Variants in EXOSC4 observed in about 807,000 individuals in gnomAD.
EXOSC4 encodes the protein exosome complex component RRP41.
In EXOSC4, 14 loss-of-function variants were observed where a neutral mutation model predicts 20.0. The observed-to-expected ratio is 0.70, with a 90% CI of 0.46 to 1.09. EXOSC4 has a LOEUF of 1.09. EXOSC4 is among the 50% of genes least tolerant of loss of function. The probability of loss-of-function intolerance (pLI) is 0.00; values close to 1 mark genes in which losing one functional copy is unlikely to be tolerated. For missense variants in EXOSC4, 337 were observed against 334.0 expected (o/e 1.01, Z -0.07); for synonymous variants, 148 against 146.4 (o/e 1.01, Z -0.08).
chr8:144,080,227 C>T lies in EXOSC4; in HGVS notation c.379-15C>T. 4 of 1,611,478 alleles carry T rather than the reference C, an allele frequency of 2.5e-6. No homozygotes were observed. In the African/African-American group the frequency reaches 5.3e-5, roughly 21 times the overall value. On this transcript the variant is annotated splice_polypyrimidine_tract_variant and intron_variant, in intron 2 of 2. Coordinates refer to ENST00000316052, the MANE Select transcript of EXOSC4 (RefSeq NM_019037.3). The surrounding 1 kb of genome is among the most constrained non-coding windows in gnomAD (Gnocchi z 4.9). ...GGAGGGAGTCTGATAGACTGACACCCTGGGTTCCCTGCAGGTGCTACAGGC... is the reference window on the plus strand; with the variant it reads ...GGAGGGAGTCTGATAGACTGACACCTTGGGTTCCCTGCAGGTGCTACAGGC...
At chr8:144,064,373 G>T in the EXOSC4 span, among the ~76,000 whole-genome samples, 1 of 152,366 alleles carries the variant, frequency 6.6e-6, no homozygotes, top group African/African-American at 2.4e-5. Flanking sequence ...CGGCAGTCAC[G>T]GTTGGCACAG....
intron 1 of EXOSC4, chr8:144,079,183 C>T (rs1835870197): frequency 2.9e-6 from 1 of 341,668 alleles, no homozygotes; most frequent in Non-Finnish European, 5.3e-6. Context: ...AGCTCTACTC[C>T]GACGTCACTC....
Position 144,080,009 on chromosome 8 carries a change from A to G in EXOSC4, c.238A>G (p.Thr80Ala). ...ALVNCQYSSA[T>A]FSTGERKRRP... is the part of the protein sequence containing the mutation. ...AGTGAACTGTCAATATAGTTCAGCG[A>G]CCTTCAGCACAGGTGAGCGCAAGCG... The change falls in exon 2 of 3, where the codon ACC (threonine) becomes GCC (alanine). Residue 80 changes from threonine (T) to alanine (A), a missense_variant. By Grantham distance (58) the Thr-to-Ala change is moderately conservative. Transcript: ENST00000316052. The surrounding 1 kb of genome is among the most constrained non-coding windows in gnomAD (Gnocchi z 4.9). 1 of 1,614,064 alleles carries G rather than the reference A, an allele frequency of 6.2e-7. No homozygotes were observed. The highest frequency in any genetic ancestry group is 8.5e-7 in the Non-Finnish European group (1 of 1,180,028).
chr8:144,078,149 G>GTT (rs1835854619), upstream of EXOSC4: 1 of 152,294 alleles, frequency 6.6e-6, no homozygotes, highest in Admixed American at 6.5e-5. The surrounding 1 kb of genome is among the most constrained non-coding windows in gnomAD (Gnocchi z 4.7). Flanking sequence ...GAAGCTCGGT[G>GTT]TAAAGGGAGG....
chr8:144,079,179 A>C (rs1835870173), intron 1 of EXOSC4: 3 of 347,076 alleles, frequency 8.6e-6, no homozygotes, highest in Non-Finnish European at 1.0e-5. Flanking sequence ...TTTCAGCTCT[A>C]CTCCGACGTC....
the EXOSC4 span, among the ~76,000 whole-genome samples, chr8:144,064,878 G>A: frequency 7.9e-6 from 1 of 127,066 alleles, no homozygotes; most frequent in African/African-American, 3.0e-5. Flanking sequence ...GTCTTGCTCT[G>A]TCGCCCAGGC....
chr8:144,072,427 C>A, the EXOSC4 span, among the ~76,000 whole-genome samples: 1 of 152,100 alleles, frequency 6.6e-6, no homozygotes, highest in African/African-American at 2.4e-5. Context: ...ATGATCTGCC[C>A]GTCTCAGCCT....
In EXOSC4 at chr8:144,079,945, C is replaced by G. The variant is rs782321329; in HGVS notation, c.174C>G (p.Ile58Met). The G allele has an allele frequency of 6.2e-7, 1 of 1,613,948 alleles. No individual in the cohort carries two copies. ...CTCATGTGTCTGTCCTCTTCCAGAT[C>G]CGGGGCTCCCGGGCTCGAGCCCTGC... ...ALAVVYGPHEIRGSRARALPD... is the reference protein window; with the variant it reads ...ALAVVYGPHEMRGSRARALPD... The change falls in exon 2 of 3, where the codon ATC becomes ATG. Residue 58 changes from isoleucine (I) to methionine (M), a missense_variant and splice_region_variant. Physicochemically the swap from Ile to Met is conservative, Grantham distance 10. Coordinates refer to ENST00000316052, the MANE Select transcript of EXOSC4 (RefSeq NM_019037.3).
the EXOSC4 span, among the ~76,000 whole-genome samples, chr8:144,069,105 C>G: frequency 6.6e-6 from 1 of 152,232 alleles, no homozygotes; most frequent in Non-Finnish European, 1.5e-5. Flanking sequence ...AATGAAATGG[C>G]AGGCCAGCCT....
At chr8:144,068,603 T>G in the EXOSC4 span, among the ~76,000 whole-genome samples, 1 of 152,136 alleles carries the variant, frequency 6.6e-6, no homozygotes, top group Non-Finnish European at 1.5e-5. Context: ...CCCTCTCACT[T>G]TGGAAATTGA....
the EXOSC4 span, among the ~76,000 whole-genome samples, chr8:144,067,168 A>C: frequency 1.3e-5 from 2 of 152,248 alleles, no homozygotes; most frequent in African/African-American, 2.4e-5. Flanking sequence ...CAGAGGGTAA[A>C]GCGTGATAGG....
At chr8:144,065,483 C>G in the EXOSC4 span, among the ~76,000 whole-genome samples, 1 of 152,022 alleles carries the variant, frequency 6.6e-6, no homozygotes, top group Non-Finnish European at 1.5e-5. Flanking sequence ...AATCCCAGCA[C>G]TTTGGGAGGT....
chr8:144,066,480 C>T, the EXOSC4 span, among the ~76,000 whole-genome samples: 3 of 129,868 alleles, frequency 2.3e-5, no homozygotes, highest in Non-Finnish European at 4.7e-5. Flanking sequence ...CTCACTCTGT[C>T]ACCCAGGCTG....
Position 144,078,892 on chromosome 8 carries a change from C to T in EXOSC4, c.164C>T (p.Pro55Leu). The T allele has an allele frequency of 1.4e-6, 2 of 1,479,682 alleles. No individual in the cohort carries two copies. Among genetic ancestry groups the T allele is most frequent in the Non-Finnish European group, 1.8e-6 (2 of 1,111,434 alleles). 91.7% of individuals were successfully genotyped at this position (1,479,682 alleles called of 1,614,324 possible). A position where few individuals can be genotyped will look rare whatever the true frequency, so the allele number is the denominator to read the frequency against. Residue 55 changes from proline (P) to leucine (L), a missense_variant, in exon 1 of 3, where the codon CCG (proline) becomes CTG (leucine). By Grantham distance (98) the Pro-to-Leu change is moderately conservative. Coordinates refer to ENST00000316052, the MANE Select transcript of EXOSC4 (RefSeq NM_019037.3). The surrounding 1 kb of genome is among the most constrained non-coding windows in gnomAD (Gnocchi z 4.7). The part of the protein sequence containing the change: ...NTKALAVVYG[P>L]HEIRGSRARA... ...AAGGCACTGGCTGTGGTCTACGGCC[C>T]GCACGAGGCGAGTGGGCGCGCGGGA...
upstream of EXOSC4, among the ~76,000 whole-genome samples, chr8:144,076,674 A>G (rs1835837992): frequency 6.6e-6 from 1 of 152,210 alleles, no homozygotes; most frequent in South Asian, 2.1e-4. Context: ...CCTTAGGCTG[A>G]AGACCAACAT....
In EXOSC4 at chr8:144,079,997, T is replaced by C. The variant is rs782056134; in HGVS notation, c.226T>C (p.Tyr76His). 6.2e-7 allele frequency: 1 copy of C among 1,613,914 alleles called. No individual in the cohort carries two copies. The highest frequency in any genetic ancestry group is 1.3e-5 in the African/African-American group (1 of 74,910). The change falls in exon 2 of 3, where the codon TAT becomes CAT. Residue 76 changes from tyrosine to histidine, a missense_variant. Coordinates refer to ENST00000316052, the MANE Select transcript of EXOSC4 (RefSeq NM_019037.3). ...LPDRALVNCQYSSATFSTGER... is the reference protein window; with the variant it reads ...LPDRALVNCQHSSATFSTGER... ...GGACAGGGCCCTAGTGAACTGTCAATATAGTTCAGCGACCTTCAGCACAGG... is the reference window on the plus strand; with the variant it reads ...GGACAGGGCCCTAGTGAACTGTCAACATAGTTCAGCGACCTTCAGCACAGG...
At chr8:144,067,669 T>C in the EXOSC4 span, among the ~76,000 whole-genome samples, 2 of 152,142 alleles carry the variant, frequency 1.3e-5, no homozygotes, top group African/African-American at 4.8e-5. Flanking sequence ...AAAACCACTT[T>C]TGAAAATGAA....
the EXOSC4 span, among the ~76,000 whole-genome samples, chr8:144,068,824 G>A: frequency 2.0e-5 from 3 of 152,170 alleles, no homozygotes; most frequent in African/African-American, 4.8e-5. Flanking sequence ...ACATAGGGAG[G>A]GACACGCCGA....
upstream of EXOSC4, chr8:144,078,492 T>A: frequency 2.6e-6 from 1 of 384,838 alleles, no homozygotes; most frequent in Non-Finnish European, 4.6e-6. The surrounding 1 kb of genome is among the most constrained non-coding windows in gnomAD (Gnocchi z 4.7). Flanking sequence ...AAACCGTAGA[T>A]CCGGGGAGGT....
Sources: gnomAD v4.1 joint callset for allele counts (sites outside exome capture counted in the v4.1 genomes callset) on GRCh38, gnomAD v4.1.1 for gene constraint, Gnocchi (gnomAD v3.1) non-coding constraint, MANE v1.5 for transcripts, NCBI Gene and HGNC (gene_info 2026-07-23, HGNC 2026-07-21) for gene names.